Variants in KCNJ6 observed in about 807,000 individuals in gnomAD.
KCNJ6 encodes the protein G protein-activated inward rectifier potassium channel 2.
KCNJ6 carries 9 observed loss-of-function variants against 34.2 expected under a neutral mutation model. The observed-to-expected ratio is 0.26, with a 90% CI of 0.16 to 0.46. The LOEUF is 0.46. KCNJ6 is among the 20% of genes least tolerant of loss of function. KCNJ6 has a pLI of 1.00. For synonymous variants in KCNJ6, 196 were observed against 207.1 expected (o/e 0.95, Z 0.46); for missense variants, 236 against 531.3 (o/e 0.44, Z 5.46).
intron 2 of KCNJ6, among the ~76,000 whole-genome samples, chr21:37,749,317 G>A (rs2054982987): frequency 6.6e-6 from 1 of 152,202 alleles, no homozygotes; most frequent in South Asian, 2.1e-4. Flanking sequence ...AACTGTGCTT[G>A]GGACATAGGT....
At chr21:37,834,771 C>G (rs1038604768) in intron 2 of KCNJ6, among the ~76,000 whole-genome samples, 2 of 152,196 alleles carry the variant, frequency 1.3e-5, no homozygotes, top group African/African-American at 2.4e-5. Context: ...GAGGAATTCC[C>G]TCTATATCAA....
At chr21:37,829,678 C>T (rs184087162) in intron 2 of KCNJ6, among the ~76,000 whole-genome samples, 7 of 152,258 alleles carry the variant, frequency 4.6e-5, no homozygotes, top group Admixed American at 3.9e-4. Context: ...CTGCTTTGCC[C>T]ATGATTACTT....
intron 1 of KCNJ6, among the ~76,000 whole-genome samples, chr21:37,886,756 T>C (rs544807123): frequency 8.5e-5 from 13 of 152,176 alleles, no homozygotes; most frequent in Non-Finnish European, 1.6e-4. Context: ...GCTGTCACTC[T>C]GGCTTCAGAG....
chr21:37,655,612 A>G (rs888595198), intron 3 of KCNJ6, among the ~76,000 whole-genome samples: 16 of 152,190 alleles, frequency 1.1e-4, no homozygotes, highest in Non-Finnish European at 2.1e-4. Flanking sequence ...TGCAAAGTGA[A>G]AAGTCCTATT....
intron 3 of KCNJ6, among the ~76,000 whole-genome samples, chr21:37,639,222 T>C (rs2835849): frequency 0.27 from 40,613 of 152,164 alleles, 5,809 homozygotes; most frequent in South Asian, 0.31. Context: ...CCTCCTTTGA[T>C]TTTTCACTAG....
intron 1 of KCNJ6, among the ~76,000 whole-genome samples, chr21:37,890,733 G>A (rs1477725750): frequency 6.6e-6 from 1 of 152,070 alleles, no homozygotes; most frequent in Non-Finnish European, 1.5e-5. Flanking sequence ...GTGTCAAAAG[G>A]TTTTCCCCTG....
Position 37,609,032 on chromosome 21 carries a change from T to C in KCNJ6, c.*16127A>G, listed in dbSNP as rs541749618. 6.6e-6 allele frequency: 1 copy of C among 152,310 alleles called. No homozygotes were observed. The highest frequency in any genetic ancestry group is 2.1e-4 in the South Asian group (1 of 4,828). 9.4% of individuals were successfully genotyped at this position (152,310 alleles called of 1,614,324 possible). ...CAGCATTGACGAGCTTCATGAACCT[T>C]GAAAATGGAACACTTTATTTCTCTG... is the stretch of plus-strand genomic sequence containing the variant. On this transcript the variant is annotated 3_prime_UTR_variant, in exon 4 of 4. Coordinates refer to ENST00000609713, the MANE Select transcript of KCNJ6 (RefSeq NM_002240.5).
rs1331063533 is a variant in KCNJ6 at position 37,613,065 on chromosome 21, A to C, written c.*12094T>G. On this transcript the variant is annotated 3_prime_UTR_variant, in exon 4 of 4. Coordinates refer to ENST00000609713, the MANE Select transcript of KCNJ6 (RefSeq NM_002240.5). ...ATCTGATAAAGAATTATTATCTAAA[A>C]TTTACAAAGAACTTTAACAAATCAA... is the stretch of plus-strand genomic sequence containing the variant. 6.6e-6 allele frequency: 1 copy of C among 152,100 alleles called. No individual in the cohort carries two copies. The highest frequency in any genetic ancestry group is 1.5e-5 in the Non-Finnish European group (1 of 68,026). 9.4% of individuals were successfully genotyped at this position (152,100 alleles called of 1,614,324 possible). A position where few individuals can be genotyped will look rare whatever the true frequency, so the allele number is the denominator to read the frequency against.
rs554483619 is a variant in KCNJ6 at position 37,656,378 on chromosome 21, C to A, written c.947-30894G>T. ...CTAAGGGGCTGCCTTGATGTCCCCACCAGCTCTCCTCTCCCTGCTGGGGCC... is the reference window on the plus strand; with the variant it reads ...CTAAGGGGCTGCCTTGATGTCCCCAACAGCTCTCCTCTCCCTGCTGGGGCC... On this transcript the variant is annotated intron_variant, in intron 3 of 3. Transcript: ENST00000609713. Among the ~76,000 whole-genome samples, 97 of 152,336 alleles carry A rather than the reference C, an allele frequency of 6.4e-4. No individual in the cohort carries two copies. The South Asian group carries it at 0.019, about 30-fold the overall frequency.
intron 2 of KCNJ6, among the ~76,000 whole-genome samples, chr21:37,761,475 G>A (rs989036370): frequency 2.0e-5 from 3 of 150,674 alleles, no homozygotes; most frequent in Admixed American, 1.3e-4. Context: ...TAGTTTGTGT[G>A]TATATTTGCG....
intron 2 of KCNJ6, among the ~76,000 whole-genome samples, chr21:37,740,917 TCTC>T (rs1448738615): frequency 1.3e-5 from 2 of 152,228 alleles, no homozygotes; most frequent in African/African-American, 2.4e-5. Flanking sequence ...TCTGACCAAT[TCTC>T]CTTCTCAGTG....
chr21:37,778,839 C>T (rs1475672279), intron 2 of KCNJ6, among the ~76,000 whole-genome samples: 3 of 151,928 alleles, frequency 2.0e-5, no homozygotes, highest in Non-Finnish European at 4.4e-5. Context: ...CCTTCTGCCT[C>T]TGTAAACCTG....
intron 2 of KCNJ6, among the ~76,000 whole-genome samples, chr21:37,816,673 G>C (rs576951451): frequency 5.9e-5 from 9 of 152,260 alleles, no homozygotes; most frequent in African/African-American, 1.7e-4. Context: ...ACCTGCTTAC[G>C]GTGGATTTCT....
At chr21:37,895,558 G>A (rs1203782832) in intron 1 of KCNJ6, among the ~76,000 whole-genome samples, 2 of 152,084 alleles carry the variant, frequency 1.3e-5, no homozygotes, top group Non-Finnish European at 2.9e-5. Flanking sequence ...TCATTCTTTG[G>A]AAGCACCTGA....
chr21:37,638,757 C>G (rs1280170055), intron 3 of KCNJ6, among the ~76,000 whole-genome samples: 1 of 152,198 alleles, frequency 6.6e-6, no homozygotes, highest in Non-Finnish European at 1.5e-5. Flanking sequence ...CCTTCATTTA[C>G]TTTTAAGAAA....
chr21:37,754,575 C>T (rs2055014111), intron 2 of KCNJ6, among the ~76,000 whole-genome samples: 1 of 152,122 alleles, frequency 6.6e-6, no homozygotes, highest in Non-Finnish European at 1.5e-5. Context: ...TCTAGCTGAT[C>T]CGGGACAATG....
At chr21:37,914,008 G>GGGGGGTGT (rs760597650) in intron 1 of KCNJ6, among the ~76,000 whole-genome samples, 3 of 135,480 alleles carry the variant, frequency 2.2e-5, no homozygotes, top group East Asian at 2.4e-4. Context: ...GGCGGATCGG[G>GGGGGGTGT]GTGTGTGTGT....
At chr21:37,653,927 A>G (rs1012997311) in intron 3 of KCNJ6, among the ~76,000 whole-genome samples, 6 of 152,118 alleles carry the variant, frequency 3.9e-5, no homozygotes, top group Non-Finnish European at 7.4e-5. Context: ...TCAAAGTGTG[A>G]GAGAGTCCCA....
chr21:37,770,697 C>T (rs2055113803), intron 2 of KCNJ6, among the ~76,000 whole-genome samples: 1 of 152,034 alleles, frequency 6.6e-6, no homozygotes, highest in African/African-American at 2.4e-5. Context: ...TTGCTCACGG[C>T]AAAGGTAATA....
Sources: gnomAD v4.1 joint callset for allele counts (sites outside exome capture counted in the v4.1 genomes callset) on GRCh38, gnomAD v4.1.1 for gene constraint, MANE v1.5 for transcripts, NCBI Gene and HGNC (gene_info 2026-07-23, HGNC 2026-07-21) for gene names.